POU6F2: variants seen among roughly 807,000 people sequenced by gnomAD.
POU6F2 encodes the protein POU class 6 homeobox 2, also known as POU domain, class 6, transcription factor 2.
A neutral mutation model predicts 71.3 loss-of-function variants in POU6F2; 31 were observed. The ratio of observed to expected loss-of-function variants is 0.43; its 90% CI spans 0.33 to 0.59. The LOEUF is 0.59. POU6F2 is among the 20% of genes least tolerant of loss of function. The pLI, the probability that POU6F2 is intolerant of heterozygous loss-of-function variation, is 0.04. For synonymous variants in POU6F2, 347 were observed against 355.7 expected (o/e 0.98, Z 0.27); for missense variants, 783 against 856.8 (o/e 0.91, Z 1.07).
chr7:39,255,990 A>T (rs893159848), intron 4 of POU6F2, among the ~76,000 whole-genome samples: 7 of 152,172 alleles, frequency 4.6e-5, no homozygotes, highest in Admixed American at 3.3e-4. Context: ...CCTAGTAGTA[A>T]AGAATAGGGT....
intron 2 of POU6F2, among the ~76,000 whole-genome samples, chr7:39,167,873 A>G (rs1020780276): frequency 4.6e-5 from 7 of 152,080 alleles, no homozygotes; most frequent in East Asian, 1.9e-4. Flanking sequence ...ATACAGTCAC[A>G]TATGTTATAC....
intron 7 of POU6F2, among the ~76,000 whole-genome samples, chr7:39,435,115 G>A (rs1332657891): frequency 2.0e-5 from 3 of 152,168 alleles, no homozygotes; most frequent in Non-Finnish European, 4.4e-5. Flanking sequence ...TGTCTTTACA[G>A]TAGAAAGATT....
chr7:39,040,457 T>C (rs1462068182), intron 1 of POU6F2, among the ~76,000 whole-genome samples: 1 of 151,542 alleles, frequency 6.6e-6, no homozygotes, highest in Non-Finnish European at 1.5e-5. Flanking sequence ...TAAACAACAT[T>C]ATTTCCTAAG....
intron 5 of POU6F2, among the ~76,000 whole-genome samples, chr7:39,397,842 C>T (rs909128408): frequency 3.6e-5 from 3 of 82,438 alleles, no homozygotes; most frequent in Admixed American, 2.1e-4. Flanking sequence ...ATAGTAGAGA[C>T]GGAGTCTTAC....
rs141780456 is a variant in POU6F2 at position 39,221,708 on chromosome 7, A to G, written c.598+14088A>G. ...GGCCTAAAAATGATCTTGTCTTTTT[A>G]AAAATTAGTACGCTTTTTACTGTGA... is the stretch of plus-strand genomic sequence containing the variant. On this transcript the variant is annotated intron_variant, in intron 4 of 9. Transcript: ENST00000518318. Among the ~76,000 whole-genome samples, 11 of 152,270 alleles carry G rather than the reference A, an allele frequency of 7.2e-5. No homozygotes were observed. In the East Asian group the frequency reaches 2.1e-3, roughly 29 times the overall value.
intron 2 of POU6F2, among the ~76,000 whole-genome samples, chr7:39,122,545 G>A (rs898285254): frequency 6.6e-6 from 1 of 152,228 alleles, no homozygotes; most frequent in East Asian, 1.9e-4. Flanking sequence ...AACAGCAGAG[G>A]GGAGGCAATC....
In POU6F2 at chr7:39,321,359, G is replaced by A. The variant is rs147315566; in HGVS notation, c.599-18283G>A. ...ATCATGACAGAGGGAAATAGAAGGA[G>A]GGGGAGCTAAGGGGTCATTTCAGAA... On this transcript the variant is annotated intron_variant, in intron 4 of 9. Coordinates refer to ENST00000518318, the MANE Select transcript of POU6F2 (RefSeq NM_001370959.1). Among the ~76,000 whole-genome samples, 771 of 152,276 alleles carry A rather than the reference G, an allele frequency of 5.1e-3. 2 individuals carry two copies. The highest frequency in any genetic ancestry group is 0.017 in the African/African-American group (701 of 41,560).
chr7:39,460,783 C>T lies in POU6F2; in HGVS notation c.1658+68C>T. 1 of 1,439,768 alleles carries T rather than the reference C, an allele frequency of 6.9e-7. No individual in the cohort carries two copies. The highest frequency in any genetic ancestry group is 9.2e-7 in the Non-Finnish European group (1 of 1,092,072). The allele number at this position is 1,439,768 out of a possible 1,614,324, so 89.2% of individuals were successfully genotyped here. ...GGCCTCATTTGTCCTCGCGGTTCAGCTTTTCTTCGTCGGGTGGGCAAAGCT... is the reference window on the plus strand; with the variant it reads ...GGCCTCATTTGTCCTCGCGGTTCAGTTTTTCTTCGTCGGGTGGGCAAAGCT... On this transcript the variant is annotated intron_variant, in intron 9 of 9. Coordinates refer to ENST00000518318, the MANE Select transcript of POU6F2 (RefSeq NM_001370959.1). This position sits in a 1 kb window ranked among gnomAD's most constrained non-coding sequence, Gnocchi z 4.4.
At chr7:39,059,182 G>C (rs986152820) in intron 1 of POU6F2, among the ~76,000 whole-genome samples, 2 of 152,040 alleles carry the variant, frequency 1.3e-5, no homozygotes, top group Admixed American at 6.6e-5. Context: ...CAGCTCACGT[G>C]TTCATGTAGG....
At chr7:39,251,585 G>A (rs914763130) in intron 4 of POU6F2, among the ~76,000 whole-genome samples, 2 of 152,138 alleles carry the variant, frequency 1.3e-5, no homozygotes, top group Admixed American at 1.3e-4. Context: ...ATGCTAACTG[G>A]TTAGCATAAA....
intron 2 of POU6F2, among the ~76,000 whole-genome samples, chr7:39,185,552 T>C (rs2128742240): frequency 6.6e-6 from 1 of 152,272 alleles, no homozygotes; most frequent in Admixed American, 6.5e-5. Context: ...TATCTTCTCT[T>C]GATGGGGCAA....
At chr7:39,119,516 GGTGGA>G (rs1197948322) in intron 2 of POU6F2, among the ~76,000 whole-genome samples, 1 of 152,046 alleles carries the variant, frequency 6.6e-6, no homozygotes, top group African/African-American at 2.4e-5. Context: ...GGGGAAACGG[GGTGGA>G]GAGAATTCAG....
intron 5 of POU6F2, chr7:39,406,279 A>T: frequency 3.1e-6 from 1 of 326,098 alleles, no homozygotes; most frequent in Non-Finnish European, 5.8e-6. Context: ...TTTAGTCTAG[A>T]GGGCTTCTGC....
At chr7:39,129,636 G>T (rs963891546) in intron 2 of POU6F2, among the ~76,000 whole-genome samples, 4 of 151,138 alleles carry the variant, frequency 2.6e-5, no homozygotes, top group African/African-American at 9.7e-5. Flanking sequence ...TAGATAGATA[G>T]ATAGATAGAT....
At chr7:39,353,168 C>T (rs34744674) in intron 5 of POU6F2, among the ~76,000 whole-genome samples, 25,913 of 152,266 alleles carry the variant, frequency 0.17, 2,468 homozygotes, top group Admixed American at 0.24. Context: ...CCAGATTGGA[C>T]GGGCAGGTCC....
At chr7:39,341,099 C>T (rs541896877) in intron 5 of POU6F2, among the ~76,000 whole-genome samples, 1 of 152,310 alleles carries the variant, frequency 6.6e-6, no homozygotes, top group South Asian at 2.1e-4. Flanking sequence ...CGATGGTATC[C>T]TTGGCTCCTA....
At chr7:39,327,205 G>A (rs1785522419) in intron 4 of POU6F2, among the ~76,000 whole-genome samples, 2 of 151,700 alleles carry the variant, frequency 1.3e-5, no homozygotes, top group Non-Finnish European at 2.9e-5. Flanking sequence ...CGTGAACCCA[G>A]GAGGTGGAGC....
chr7:39,053,260 G>T (rs771920228), intron 1 of POU6F2, among the ~76,000 whole-genome samples: 25 of 152,096 alleles, frequency 1.6e-4, no homozygotes, highest in Non-Finnish European at 3.1e-4. Flanking sequence ...GTTTGTTCCA[G>T]AAAGTAAGCA....
intron 1 of POU6F2, among the ~76,000 whole-genome samples, chr7:39,081,458 C>G (rs1053025175): frequency 6.6e-6 from 1 of 152,196 alleles, no homozygotes; most frequent in African/African-American, 2.4e-5. Flanking sequence ...AGAACTCTTT[C>G]ATTGTAGAGT....
Sources: gnomAD v4.1 joint callset for allele counts (sites outside exome capture counted in the v4.1 genomes callset) on GRCh38, gnomAD v4.1.1 for gene constraint, Gnocchi (gnomAD v3.1) non-coding constraint, MANE v1.5 for transcripts, NCBI Gene and HGNC (gene_info 2026-07-23, HGNC 2026-07-21) for gene names.